The following PTPRD variants were observed in gnomAD, a reference collection of about 807,000 sequenced individuals.
PTPRD encodes the protein protein tyrosine phosphatase receptor type D.
A neutral mutation model predicts 214.5 loss-of-function variants in PTPRD; 34 were observed. The ratio of observed to expected loss-of-function variants is 0.16; its 90% CI spans 0.12 to 0.21. The LOEUF (loss-of-function observed/expected upper bound fraction) is 0.21. Ranked by LOEUF, PTPRD falls within the 10% of genes least tolerant of loss-of-function variation. The pLI is 1.00. For missense variants in PTPRD, 2,545 were observed against 2,398.7 expected, an observed-to-expected ratio of 1.06 and a Z score of -1.27; for synonymous variants, 1,128 against 845.7, an observed-to-expected ratio of 1.33 and a Z score of -5.79.
intron 3 of PTPRD, among the ~76,000 whole-genome samples, chr9:10,209,698 C>T (rs1372667701): frequency 6.6e-6 from 1 of 151,794 alleles, no homozygotes; most frequent in East Asian, 1.9e-4. Flanking sequence ...TTTCAATATT[C>T]TACTTATCTC....
intron 39 of PTPRD, among the ~76,000 whole-genome samples, chr9:8,355,320 G>A (rs2076703616): frequency 6.6e-6 from 1 of 152,146 alleles, no homozygotes. Context: ...TGCCAGAACA[G>A]GTTGTAGGCC....
At chr9:8,476,771 G>A (rs989126696) in intron 30 of PTPRD, among the ~76,000 whole-genome samples, 6 of 152,128 alleles carry the variant, frequency 3.9e-5, no homozygotes, top group African/African-American at 1.4e-4. Flanking sequence ...CCACTGTAAA[G>A]AAAGTGGGTA....
chr9:10,267,221 AAG>A (rs1232010477), intron 3 of PTPRD, among the ~76,000 whole-genome samples: 2 of 146,844 alleles, frequency 1.4e-5, no homozygotes, highest in Non-Finnish European at 3.0e-5. Flanking sequence ...AAAAACAAAA[AAG>A]TAGTCAGGGA....
intron 12 of PTPRD, among the ~76,000 whole-genome samples, chr9:8,693,255 C>T (rs2097846031): frequency 6.6e-6 from 1 of 152,158 alleles, no homozygotes; most frequent in African/African-American, 2.4e-5. Flanking sequence ...TGAAACCTTA[C>T]TCAGTTGAGT....
At chr9:10,039,570 A>G (rs890708265) in intron 3 of PTPRD, among the ~76,000 whole-genome samples, 1 of 152,100 alleles carries the variant, frequency 6.6e-6, no homozygotes, top group Non-Finnish European at 1.5e-5. Flanking sequence ...TTTTCCTTAT[A>G]TAAAGAACAC....
intron 8 of PTPRD, among the ~76,000 whole-genome samples, chr9:9,572,792 A>C (rs552318819): frequency 1.3e-5 from 2 of 151,596 alleles, no homozygotes; most frequent in East Asian, 3.9e-4. Flanking sequence ...ATGAGAAATA[A>C]GAGCAAAAAC....
At chr9:8,324,481 T>G (rs1333358706) in intron 44 of PTPRD, among the ~76,000 whole-genome samples, 3 of 152,206 alleles carry the variant, frequency 2.0e-5, no homozygotes, top group Non-Finnish European at 1.5e-5. Context: ...GTGCCGCATT[T>G]TCTTTATCCA....
At chr9:8,680,647 C>G (rs978449822) in intron 12 of PTPRD, among the ~76,000 whole-genome samples, 1 of 152,130 alleles carries the variant, frequency 6.6e-6, no homozygotes, top group Non-Finnish European at 1.5e-5. Context: ...TACAATTATA[C>G]TACCTAGCAA....
chr9:9,235,937 G>C (rs1422932947), intron 9 of PTPRD, among the ~76,000 whole-genome samples: 1 of 152,060 alleles, frequency 6.6e-6, no homozygotes, highest in Admixed American at 6.6e-5. Context: ...ATTAGTCTGA[G>C]TCAATTCTAA....
At chr9:8,841,099 G>C (rs559589493) in intron 11 of PTPRD, among the ~76,000 whole-genome samples, 2 of 152,250 alleles carry the variant, frequency 1.3e-5, no homozygotes, top group Admixed American at 6.5e-5. Flanking sequence ...TAAAATGTGT[G>C]GCTGTTTCAT....
At chr9:8,662,906 G>C (rs908222056) in intron 12 of PTPRD, among the ~76,000 whole-genome samples, 1 of 152,062 alleles carries the variant, frequency 6.6e-6, no homozygotes, top group African/African-American at 2.4e-5. Context: ...GTATATAAAA[G>C]TTAAATGCTA....
intron 3 of PTPRD, among the ~76,000 whole-genome samples, chr9:10,082,815 A>ACACG (rs1181276229): frequency 1.6e-5 from 2 of 122,478 alleles, no homozygotes; most frequent in East Asian, 4.8e-4. Flanking sequence ...CTCCTCCTAC[A>ACACG]CACACACACA....
chr9:8,474,796 T>C (rs2096731155), intron 30 of PTPRD, among the ~76,000 whole-genome samples: 1 of 152,152 alleles, frequency 6.6e-6, no homozygotes, highest in African/African-American at 2.4e-5. Flanking sequence ...AAAGTACAAG[T>C]CTATCTAGAT....
At position 9,998,125 on chromosome 9, in the gene PTPRD, A is replaced by ATATATATATATATATATATATATAT. The variant is rs1286206158; in HGVS notation, c.-472+35592_-472+35593insATATATATATATATATATATATATA. On this transcript the variant is annotated intron_variant, in intron 4 of 45. Transcript: ENST00000381196. ...GAACTTAAAGTATAATAAAAAAAAA[A>ATATATATATATATATATATATATAT]AAAAATATATATATATATATAAAAG... Among the ~76,000 whole-genome samples, 40 of 48,468 alleles carry ATATATATATATATATATATATATAT rather than the reference A, an allele frequency of 8.3e-4. 1 individual carries two copies. The highest frequency in any genetic ancestry group is 3.4e-3 in the African/African-American group (36 of 10,526). The allele number at this position is 48,468 out of a possible 152,430, so 31.8% of individuals were successfully genotyped here. A position where few individuals can be genotyped will look rare whatever the true frequency, so the allele number is the denominator to read the frequency against.
intron 11 of PTPRD, among the ~76,000 whole-genome samples, chr9:8,919,088 GA>G (rs1481335719): frequency 1.3e-5 from 2 of 152,098 alleles, no homozygotes; most frequent in African/African-American, 4.8e-5. Context: ...GCAAAGTCAA[GA>G]AGGATGAGAG....
intron 11 of PTPRD, among the ~76,000 whole-genome samples, chr9:8,943,182 A>G (rs1416557580): frequency 6.6e-6 from 1 of 152,170 alleles, no homozygotes; most frequent in Non-Finnish European, 1.5e-5. Flanking sequence ...GAAAGTATCA[A>G]TGTTGTTAAA....
chr9:9,261,120 C>G (rs1382071388), intron 9 of PTPRD, among the ~76,000 whole-genome samples: 1 of 151,786 alleles, frequency 6.6e-6, no homozygotes, highest in Non-Finnish European at 1.5e-5. Context: ...ATACCACCAA[C>G]AAGGATGCAA....
At chr9:9,242,611 C>A (rs558093324) in intron 9 of PTPRD, among the ~76,000 whole-genome samples, 250 of 152,180 alleles carry the variant, frequency 1.6e-3, no homozygotes, top group Admixed American at 2.9e-3. Context: ...TCACTGATAC[C>A]CTTTCTTCCA....
intron 8 of PTPRD, among the ~76,000 whole-genome samples, chr9:9,574,172 A>G (rs2154303755): frequency 6.6e-6 from 1 of 152,074 alleles, no homozygotes; most frequent in African/African-American, 2.4e-5. Context: ...ATCCAGATTC[A>G]CATTTTTGAC....
Sources: allele counts gnomAD v4.1 joint callset (sites outside exome capture counted in the v4.1 genomes callset), GRCh38; gene constraint gnomAD v4.1.1; transcripts MANE v1.5; gene names NCBI Gene and HGNC (gene_info 2026-07-23, HGNC 2026-07-21).